The following DAB1 variants were observed in gnomAD, a reference collection of about 807,000 sequenced individuals.
DAB1 encodes disabled homolog 1.
A neutral mutation model predicts 64.6 loss-of-function variants in DAB1; 15 were observed. The ratio of observed to expected loss-of-function variants is 0.23; its 90% CI spans 0.16 to 0.36. The LOEUF (loss-of-function observed/expected upper bound fraction) is 0.36. Ranked by LOEUF, DAB1 falls within the 10% of genes least tolerant of loss-of-function variation. The probability of loss-of-function intolerance (pLI) is 1.00; values close to 1 mark genes in which losing one functional copy is unlikely to be tolerated. For synonymous variants in DAB1, 235 were observed against 251.9 expected, an observed-to-expected ratio of 0.93 and a Z score of 0.64; for missense variants, 596 against 706.7, an observed-to-expected ratio of 0.84 and a Z score of 1.78.
intron 7 of DAB1, among the ~76,000 whole-genome samples, chr1:57,439,037 C>A (rs1685806828): frequency 6.6e-6 from 1 of 152,182 alleles, no homozygotes; most frequent in African/African-American, 2.4e-5. Flanking sequence ...ATCTCCTTAG[C>A]CAGAGTGGTT....
At position 57,316,153 on chromosome 1, in the gene DAB1, C is replaced by T. The variant is rs562530476; in HGVS notation, c.-136-24987G>A. On this transcript the variant is annotated intron_variant, in intron 1 of 14. Coordinates refer to ENST00000371236, the MANE Select transcript of DAB1 (RefSeq NM_001365792.1). ...AAGGCAGAGGAAATAGTGGCTCTGACTATCGCAAAAGAAATATGACTTCAA... is the reference window on the plus strand; with the variant it reads ...AAGGCAGAGGAAATAGTGGCTCTGATTATCGCAAAAGAAATATGACTTCAA... Among the ~76,000 whole-genome samples, 310 of 152,238 alleles carry T rather than the reference C, an allele frequency of 2.0e-3. 4 individuals carry two copies. The highest frequency in any genetic ancestry group is 1.6e-4 in the Non-Finnish European group (11 of 68,020).
intron 5 of DAB1, among the ~76,000 whole-genome samples, chr1:58,090,421 C>T (rs1439633133): frequency 1.3e-5 from 2 of 152,166 alleles, no homozygotes; most frequent in East Asian, 3.9e-4. Flanking sequence ...ACTTTTGGTA[C>T]TACTATGTAA....
Position 57,042,236 on chromosome 1 carries a change from G to C in DAB1, c.724-16193C>G, listed in dbSNP as rs574334610. ...TTTGAAGTCCAGAGGATATCTGAAA[G>C]AGCGTTATCCTCGACTGTTTTTGAT... On this transcript the variant is annotated intron_variant, in intron 9 of 14. Coordinates refer to ENST00000371236, the MANE Select transcript of DAB1 (RefSeq NM_001365792.1). 2.6e-5 allele frequency among the ~76,000 whole-genome samples: 4 copies of C among 152,316 alleles called. No individual in the cohort carries two copies. The South Asian group carries it at 8.3e-4, about 32-fold the overall frequency.
intron 8 of DAB1, among the ~76,000 whole-genome samples, chr1:57,066,923 A>T (rs897524947): frequency 1.3e-5 from 2 of 152,184 alleles, no homozygotes; most frequent in Non-Finnish European, 2.9e-5. Flanking sequence ...AAGGAGGTGA[A>T]TAAAAGCTGA....
intron 9 of DAB1, among the ~76,000 whole-genome samples, chr1:57,048,162 G>T (rs189617178): frequency 6.6e-6 from 1 of 152,172 alleles, no homozygotes; most frequent in Non-Finnish European, 1.5e-5. Context: ...AGGTCCCACC[G>T]CTGGTAAGTA....
chr1:57,375,356 C>T (rs1680810923), intron 1 of DAB1, among the ~76,000 whole-genome samples: 1 of 152,192 alleles, frequency 6.6e-6, no homozygotes, highest in Non-Finnish European at 1.5e-5. Flanking sequence ...GGTGAACTCA[C>T]TTGCTCAGGT....
chr1:57,071,652 A>G lies in DAB1; in HGVS notation c.439-11T>C. 6.2e-7 allele frequency: 1 copy of G among 1,612,288 alleles called. No homozygotes were observed. Among genetic ancestry groups the G allele is most frequent in the Non-Finnish European group, 8.5e-7 (1 of 1,179,714 alleles). ...AATAACAGGTTCAGCCTGGGATGAAAGGTAGTAAGGCACATCATAAGGGAA... is the reference window on the plus strand; with the variant it reads ...AATAACAGGTTCAGCCTGGGATGAAGGGTAGTAAGGCACATCATAAGGGAA... On this transcript the variant is annotated splice_polypyrimidine_tract_variant and intron_variant, in intron 5 of 14. Transcript: ENST00000371236.
chr1:58,102,005 A>C (rs780056860), intron 5 of DAB1, among the ~76,000 whole-genome samples: 17 of 152,234 alleles, frequency 1.1e-4, no homozygotes, highest in Non-Finnish European at 1.8e-4. Context: ...CCTTCTACAC[A>C]GCAGTAGCAG....
At chr1:58,401,655 C>T (rs545451927) in intron 3 of DAB1, among the ~76,000 whole-genome samples, 9 of 152,132 alleles carry the variant, frequency 5.9e-5, no homozygotes, top group East Asian at 3.8e-4. Context: ...ACTAAAACAA[C>T]GCCTGGTACA....
chr1:58,075,318 C>T (rs1175295422), intron 5 of DAB1, among the ~76,000 whole-genome samples: 1 of 152,194 alleles, frequency 6.6e-6, no homozygotes, highest in Admixed American at 6.5e-5. Context: ...TTGTACTTCT[C>T]CTCCCCGTGA....
chr1:58,057,279 G>T (rs902715085), intron 5 of DAB1, among the ~76,000 whole-genome samples: 1 of 151,614 alleles, frequency 6.6e-6, no homozygotes, highest in Non-Finnish European at 1.5e-5. Context: ...ACTCCCCTTG[G>T]CCACCCCCAT....
chr1:57,355,726 T>C (rs899508559), intron 1 of DAB1, among the ~76,000 whole-genome samples: 31 of 152,046 alleles, frequency 2.0e-4, no homozygotes, highest in Admixed American at 2.0e-3. Flanking sequence ...GAAGTATACT[T>C]TATTGGGAGT....
At chr1:57,592,750 T>C (rs1351263461) in intron 7 of DAB1, among the ~76,000 whole-genome samples, 2 of 152,220 alleles carry the variant, frequency 1.3e-5, no homozygotes, top group African/African-American at 2.4e-5. Context: ...TTTCTCACAG[T>C]TGCAGAAGCT....
chr1:57,431,539 G>A (rs1430224799), intron 7 of DAB1, among the ~76,000 whole-genome samples: 1 of 152,110 alleles, frequency 6.6e-6, no homozygotes, highest in African/African-American at 2.4e-5. Context: ...TGATTCCAGC[G>A]AAAGGTTGTG....
intron 6 of DAB1, among the ~76,000 whole-genome samples, chr1:57,737,943 A>C (rs1393301534): frequency 6.6e-6 from 1 of 152,170 alleles, no homozygotes; most frequent in Non-Finnish European, 1.5e-5. Flanking sequence ...TCACTCTAAA[A>C]AACTGGCTGA....
chr1:58,176,719 C>A (rs551977613), intron 4 of DAB1, among the ~76,000 whole-genome samples: 2 of 152,192 alleles, frequency 1.3e-5, no homozygotes. Context: ...GTGGCTCACA[C>A]CTGTAATTCC....
In DAB1 at chr1:57,291,058, C is replaced by A; in HGVS notation, c.-28G>T. 1.3e-6 allele frequency: 2 copies of A among 1,569,936 alleles called. No individual in the cohort carries two copies. Among genetic ancestry groups the A allele is most frequent in the Non-Finnish European group, 1.7e-6 (2 of 1,149,894 alleles). On this transcript the variant is annotated 5_prime_UTR_variant, in exon 2 of 15. Coordinates refer to ENST00000371236, the MANE Select transcript of DAB1 (RefSeq NM_001365792.1). ...TACTTAATCCTTAGTCCACTTCACA[C>A]AGATCCCGGGCCTCGGCCAGGCTCA...
intron 4 of DAB1, among the ~76,000 whole-genome samples, chr1:58,220,870 T>C (rs965319022): frequency 6.3e-5 from 3 of 47,802 alleles, no homozygotes; most frequent in African/African-American, 8.5e-5. Flanking sequence ...TATATACATA[T>C]ATACACACAC....
At chr1:57,820,975 CT>C (rs1652090588) in intron 6 of DAB1, among the ~76,000 whole-genome samples, 1 of 152,140 alleles carries the variant, frequency 6.6e-6, no homozygotes, top group African/African-American at 2.4e-5. Flanking sequence ...TACTTTACAG[CT>C]TTTCCTTCGC....
Sources: allele counts gnomAD v4.1 joint callset (sites outside exome capture counted in the v4.1 genomes callset), GRCh38; gene constraint gnomAD v4.1.1; transcripts MANE v1.5; gene names NCBI Gene and HGNC (gene_info 2026-07-23, HGNC 2026-07-21).